PRDM16: variants seen among roughly 807,000 people sequenced by gnomAD.
PRDM16 encodes the protein PR/SET domain 16.
A neutral mutation model predicts 110.6 loss-of-function variants in PRDM16; 23 were observed. The ratio of observed to expected loss-of-function variants is 0.21; its 90% CI spans 0.15 to 0.29. The LOEUF is 0.29. Ranked by LOEUF, PRDM16 falls within the 10% of genes least tolerant of loss-of-function variation. The probability of loss-of-function intolerance (pLI) is 1.00; values close to 1 mark genes in which losing one functional copy is unlikely to be tolerated. For synonymous variants in PRDM16, 799 were observed against 781.8 expected (o/e 1.02, Z -0.37); for missense variants, 1,615 against 1,794.3 (o/e 0.90, Z 1.81).
chr1:3,394,349 G>A, intron 4 of PRDM16: 1 of 318,096 alleles, frequency 3.1e-6, no homozygotes, highest in Admixed American at 3.6e-5. Flanking sequence ...GGGCCAGGCG[G>A]AGGATCCAGG....
chr1:3,193,934 C>G (rs1472081343), intron 2 of PRDM16, among the ~76,000 whole-genome samples: 1 of 152,194 alleles, frequency 6.6e-6, no homozygotes, highest in African/African-American at 2.4e-5. Flanking sequence ...GGGTGACCAA[C>G]CTCCCTGTTT....
chr1:3,225,364 T>G (rs769447350), intron 2 of PRDM16, among the ~76,000 whole-genome samples: 26 of 152,122 alleles, frequency 1.7e-4, no homozygotes, highest in Non-Finnish European at 3.1e-4. Context: ...GTTTCTGAAA[T>G]GTTTGCACCC....
At position 3,069,714 on chromosome 1, in the gene PRDM16, C is replaced by T. The variant is rs1641700225; in HGVS notation, c.37+418C>T. The stretch of plus-strand genomic sequence containing the variant: ...TTTTTCCTCCCCGCTCGCTCTCTCC[C>T]TCTCTCTCTCCGAGTGGCTCTCAGT... On this transcript the variant is annotated intron_variant, in intron 1 of 16. Transcript: ENST00000270722. The surrounding 1 kb of genome is among the most constrained non-coding windows in gnomAD (Gnocchi z 6.1). Among the ~76,000 whole-genome samples, 1 of 151,942 alleles carries T rather than the reference C, an allele frequency of 6.6e-6. No homozygotes were observed. The highest frequency in any genetic ancestry group is 2.4e-5 in the African/African-American group (1 of 41,400).
At position 3,244,016 on chromosome 1, in the gene PRDM16, C is replaced by T; in HGVS notation, c.388-71C>T. ...TTGGGGACAGTGGTTCTGCCCCCAC[C>T]ATTTAGAACCCAGTGTAGCTTGAGA... On this transcript the variant is annotated intron_variant, in intron 2 of 16. Transcript: ENST00000270722. This position sits in a 1 kb window ranked among gnomAD's most constrained non-coding sequence, Gnocchi z 4.1. The T allele has an allele frequency of 6.7e-7, 1 of 1,503,150 alleles. No individual in the cohort carries two copies. The highest frequency in any genetic ancestry group is 2.3e-5 in the East Asian group (1 of 44,282). 93.1% of individuals were successfully genotyped at this position (1,503,150 alleles called of 1,614,324 possible). A position where few individuals can be genotyped will look rare whatever the true frequency, so the allele number is the denominator to read the frequency against.
At chr1:3,363,038 C>A (rs2100562316) in intron 3 of PRDM16, among the ~76,000 whole-genome samples, 1 of 152,314 alleles carries the variant, frequency 6.6e-6, no homozygotes, top group East Asian at 1.9e-4. Context: ...GAGAGAAGGA[C>A]CCTGGCATGT....
In PRDM16 at chr1:3,269,653, T is replaced by C. The variant is rs1357956755; in HGVS notation, c.438+25516T>C. Among the ~76,000 whole-genome samples the C allele has an allele frequency of 5.9e-5, 5 of 84,944 alleles. No homozygotes were observed. The East Asian group carries it at 7.8e-4, about 13-fold the overall frequency. The allele number at this position is 84,944 out of a possible 152,430, so 55.7% of individuals were successfully genotyped here. On this transcript the variant is annotated intron_variant, in intron 3 of 16. Coordinates refer to ENST00000270722, the MANE Select transcript of PRDM16 (RefSeq NM_022114.4). ...GGAGCACAGTCCCGGAGGAGGACAG[T>C]TGGGAGGAGGACAGTCCCAGAGTAG...
At chr1:3,146,376 A>G (rs1053640288) in intron 1 of PRDM16, among the ~76,000 whole-genome samples, 7 of 152,262 alleles carry the variant, frequency 4.6e-5, no homozygotes, top group African/African-American at 1.7e-4. Flanking sequence ...AGCAATTCAT[A>G]AAAATGATCT....
intron 1 of PRDM16, 69 bp from the exon 2 acceptor site, chr1:3,186,056 C>T (rs970560723): frequency 4.5e-5 from 61 of 1,344,560 alleles, no homozygotes; most frequent in South Asian, 3.6e-4. Context: ...GAGTCCCCGG[C>T]GCTCCCTGAG....
intron 1 of PRDM16, among the ~76,000 whole-genome samples, chr1:3,115,136 A>G (rs1409860580): frequency 6.6e-6 from 1 of 152,124 alleles, no homozygotes; most frequent in Non-Finnish European, 1.5e-5. Flanking sequence ...ACATCATCAC[A>G]TTCCTCGGTG....
At chr1:3,239,022 G>A (rs1266157803) in intron 2 of PRDM16, among the ~76,000 whole-genome samples, 1 of 152,236 alleles carries the variant, frequency 6.6e-6, no homozygotes, top group Non-Finnish European at 1.5e-5. Context: ...ACATGTGGCA[G>A]GGCCCCAAAA....
chr1:3,119,721 A>G (rs1376330031), intron 1 of PRDM16, among the ~76,000 whole-genome samples: 1 of 152,212 alleles, frequency 6.6e-6, no homozygotes, highest in Non-Finnish European at 1.5e-5. Flanking sequence ...CGTGTTTTGT[A>G]CAAAGAGATT....
rs1173154571 is a variant in PRDM16, at chr1:3,152,035, G to T, written c.38-34090G>T. Among the ~76,000 whole-genome samples, 53 of 152,200 alleles carry T rather than the reference G, an allele frequency of 3.5e-4. 1 individual carries two copies. Among genetic ancestry groups the T allele is most frequent in the Admixed American group, 3.5e-3 (53 of 15,276 alleles). ...GCTGTGCTGGTCACCACTCGGCCCC[G>T]TGGCACATTGCTCAGAATGGCCTCA... On this transcript the variant is annotated intron_variant, in intron 1 of 16. Transcript: ENST00000270722.
intron 1 of PRDM16, among the ~76,000 whole-genome samples, chr1:3,173,910 G>A (rs1275423449): frequency 6.6e-6 from 1 of 152,254 alleles, no homozygotes; most frequent in Non-Finnish European, 1.5e-5. Context: ...TACAGCCAGA[G>A]GGGCTGGCAA....
At chr1:3,302,489 C>T (rs1486595037) in intron 3 of PRDM16, among the ~76,000 whole-genome samples, 2 of 139,550 alleles carry the variant, frequency 1.4e-5, no homozygotes, top group Admixed American at 7.6e-5. Context: ...TCCATTGTTG[C>T]CACAAAGTAT....
rs752864531 is a variant in PRDM16, at chr1:3,404,790, C to T, written c.936C>T (p.Asp312=). Residue 312 remains aspartate, a synonymous_variant, in exon 7 of 17, where the codon GAC becomes GAT. Coordinates refer to ENST00000270722, the MANE Select transcript of PRDM16 (RefSeq NM_022114.4). ...IHTEEREYKC[D]QCPKAFNWKS... ...CGGAGGAGCGCGAGTACAAATGCGA[C>T]CAGTGTCCCAAGGCCTTCAACTGGA... 30 of 1,613,558 alleles carry T rather than the reference C, an allele frequency of 1.9e-5. No homozygotes were observed. In the Admixed American group the frequency reaches 4.7e-4, roughly 25 times the overall value.
Position 3,244,332 on chromosome 1 carries a change from A to C in PRDM16, c.438+195A>C, listed in dbSNP as rs1639740217. ...TTTGCTGTCATTAGGAGGGATGGGGAGGTGGGGGTCATGTCGCCGTAGGGT... is the reference window on the plus strand; with the variant it reads ...TTTGCTGTCATTAGGAGGGATGGGGCGGTGGGGGTCATGTCGCCGTAGGGT... On this transcript the variant is annotated intron_variant, in intron 3 of 16. Coordinates refer to ENST00000270722, the MANE Select transcript of PRDM16 (RefSeq NM_022114.4). This position sits in a 1 kb window ranked among gnomAD's most constrained non-coding sequence, Gnocchi z 4.1. 6.6e-6 allele frequency among the ~76,000 whole-genome samples: 1 copy of C among 151,810 alleles called. No individual in the cohort carries two copies.
intron 3 of PRDM16, among the ~76,000 whole-genome samples, chr1:3,296,516 G>A (rs750949850): frequency 3.9e-5 from 6 of 152,252 alleles, no homozygotes; most frequent in Non-Finnish European, 8.8e-5. Context: ...CCGGGGCCTC[G>A]TGTTGCTGTT....
chr1:3,429,546 C>CA (rs1440369857), intron 14 of PRDM16, among the ~76,000 whole-genome samples: 4 of 152,342 alleles, frequency 2.6e-5, no homozygotes, highest in Admixed American at 1.3e-4. Context: ...GGGGTATGTC[C>CA]TCGTGTCATC....
chr1:3,357,101 G>T (rs1360125906), intron 3 of PRDM16, among the ~76,000 whole-genome samples: 1 of 152,164 alleles, frequency 6.6e-6, no homozygotes, highest in East Asian at 1.9e-4. Context: ...GCTGTGCGAA[G>T]GACCCCCAGC....
Sources: gnomAD v4.1 joint callset for allele counts (sites outside exome capture counted in the v4.1 genomes callset) on GRCh38, gnomAD v4.1.1 for gene constraint, Gnocchi (gnomAD v3.1) non-coding constraint, MANE v1.5 for transcripts, NCBI Gene and HGNC (gene_info 2026-07-23, HGNC 2026-07-21) for gene names.